Variants in TTN observed in about 807,000 individuals in gnomAD.
The protein encoded by TTN is connectin.
Under a neutral mutation model 3,223.0 loss-of-function variants are expected in TTN, and 1,525 were observed. The observed-to-expected ratio is 0.47, with a 90% CI of 0.45 to 0.49. The LOEUF (loss-of-function observed/expected upper bound fraction) is 0.49. Among genes scored for constraint, TTN ranks in the 20% least tolerant of loss-of-function variants. The probability of loss-of-function intolerance (pLI) is 0.00; values close to 1 mark genes in which losing one functional copy is unlikely to be tolerated. For synonymous variants in TTN, 14,094 were observed against 15,161.0 expected (o/e 0.93, Z 5.17); for missense variants, 40,786 against 43,424.0 (o/e 0.94, Z 5.40).
chr2:178,551,922 A>T lies in TTN; in HGVS notation c.90978T>A (p.Gly30326=), dbSNP rs1699600265. 2 of 1,613,622 alleles carry T rather than the reference A, an allele frequency of 1.2e-6. No homozygotes were observed. The highest frequency in any genetic ancestry group is 1.7e-6 in the Non-Finnish European group (2 of 1,179,678). ...TGTATATAACTGGCTTTCCTGGGGG[A>T]CCAGGAATCCTGAACTGGTGTTTTG... ...IVAKHQFRIP[G]PPGKPVIYNV... The change falls in exon 335 of 363, where the codon GGT becomes GGA. Residue 30326 remains glycine (G), a synonymous_variant. Coordinates refer to ENST00000589042, the MANE Select transcript of TTN (RefSeq NM_001267550.2).
chr2:178,564,536 C>T lies in TTN; in HGVS notation c.81596G>A (p.Gly27199Asp). 6.2e-7 allele frequency: 1 copy of T among 1,613,154 alleles called. No homozygotes were observed. Among genetic ancestry groups the T allele is most frequent in the Non-Finnish European group, 8.5e-7 (1 of 1,179,562 alleles). The change falls in exon 326 of 363, where the codon GGT becomes GAT. Residue 27199 changes from glycine to aspartate, a missense_variant. Coordinates refer to ENST00000589042, the MANE Select transcript of TTN (RefSeq NM_001267550.2). ...TACAATATAACCTGTTATTTTGCTACCACCATCATAGGCAGGTTTCTTCCA... is the reference window on the plus strand; with the variant it reads ...TACAATATAACCTGTTATTTTGCTATCACCATCATAGGCAGGTTTCTTCCA... ...LKWKKPAYDG[G>D]SKITGYIVEK...
intron 149 of TTN, 75 bp from the exon 150 acceptor site, chr2:178,675,188 C>G: frequency 1.1e-6 from 1 of 944,548 alleles, no homozygotes; most frequent in Non-Finnish European, 1.6e-6. Flanking sequence ...TTTCCAGTTT[C>G]CAACATAAGA....
rs1395301319 is a variant in TTN at position 178,542,899 on chromosome 2, G to C, written c.96955C>G (p.Pro32319Ala). 1 of 1,613,100 alleles carries C rather than the reference G, an allele frequency of 6.2e-7. No homozygotes were observed. Among genetic ancestry groups the C allele is most frequent in the Admixed American group, 1.7e-5 (1 of 59,996 alleles). ...ACCAGCTCTACTGGTCTGCCAGCTGGGACATGGATGGTCTTCTGAGGCATT... is the reference window on the plus strand; with the variant it reads ...ACCAGCTCTACTGGTCTGCCAGCTGCGACATGGATGGTCTTCTGAGGCATT... ...STMPQKTIHVPAGRPVELVIP... is the reference protein window; with the variant it reads ...STMPQKTIHVAAGRPVELVIP... Residue 32319 changes from proline (P) to alanine (A), a missense_variant, in exon 348 of 363, where the codon CCA (proline) becomes GCA (alanine). By Grantham distance (27) the Pro-to-Ala change is conservative. Coordinates refer to ENST00000589042, the MANE Select transcript of TTN (RefSeq NM_001267550.2).
chr2:178,574,057 C>T lies in TTN; in HGVS notation c.72075G>A (p.Glu24025=). 6.2e-7 allele frequency: 1 copy of T among 1,613,276 alleles called. No homozygotes were observed. The highest frequency in any genetic ancestry group is 1.7e-5 in the Admixed American group (1 of 59,980). Residue 24025 remains glutamate, a synonymous_variant, in exon 326 of 363, where the codon GAG becomes GAA. Transcript: ENST00000589042. ...TAACATCCACCTTTATCTTTGGTGC[C>T]TCAACATCATCCCTGCAAGTGATAG... ...SDAITCRDDV[E]APKIKVDVKF... is the part of the protein sequence containing the mutation.
chr2:178,620,055 C>T lies in TTN; in HGVS notation c.46362G>A (p.Leu15454=). 6.2e-7 allele frequency: 1 copy of T among 1,611,920 alleles called. No homozygotes were observed. ...CGCAAGCATATTCACACTCATCATCCAGCCTGCAATCTTTTATAATGAGTC... is the reference window on the plus strand; with the variant it reads ...CGCAAGCATATTCACACTCATCATCTAGCCTGCAATCTTTTATAATGAGTC... ...IHRLIIKDCR[L]DDECEYACGV... is the part of the protein sequence containing the mutation. Residue 15454 remains leucine (L), a synonymous_variant, in exon 249 of 363, where the codon CTG becomes CTA. Coordinates refer to ENST00000589042, the MANE Select transcript of TTN (RefSeq NM_001267550.2).
intron 240 of TTN, among the ~76,000 whole-genome samples, chr2:178,628,563 C>CCTAT (rs1377975919): frequency 6.6e-6 from 1 of 151,994 alleles, no homozygotes; most frequent in Non-Finnish European, 1.5e-5. Flanking sequence ...GTATTGTGGG[C>CCTAT]CTATCTGAAT....
At chr2:178,604,364 C>A in intron 281 of TTN, 59 bp from the exon 282 acceptor site, 1 of 1,310,692 alleles carries the variant, frequency 7.6e-7, no homozygotes, top group South Asian at 2.5e-5. Flanking sequence ...GGTTTTCACT[C>A]ATTTAAAAAT....
chr2:178,566,430 T>C lies in TTN; in HGVS notation c.79702A>G (p.Lys26568Glu), dbSNP rs753685639. The change falls in exon 326 of 363, where the codon AAA (lysine) becomes GAA (glutamate). Residue 26568 changes from lysine (K) to glutamate (E), a missense_variant. Physicochemically the swap from Lys to Glu is moderately conservative, Grantham distance 56 (BLOSUM62 1). Transcript: ENST00000589042. Reference protein sequence around the residue: ...EYKIRVCALNKVGLGEATSVP... With the variant: ...EYKIRVCALNEVGLGEATSVP... Reference sequence around the variant, plus strand: ...GATGTAGCCTCACCTAAACCAACTTTGTTGAGGGCACAGACTCGTATTTTA... The same window carrying C: ...GATGTAGCCTCACCTAAACCAACTTCGTTGAGGGCACAGACTCGTATTTTA... 1 of 1,613,470 alleles carries C rather than the reference T, an allele frequency of 6.2e-7. No homozygotes were observed. The highest frequency in any genetic ancestry group is 8.5e-7 in the Non-Finnish European group (1 of 1,179,670).
chr2:178,685,184 T>C (rs1311608397), intron 129 of TTN, 69 bp downstream of exon 129: 6 of 1,360,084 alleles, frequency 4.4e-6, no homozygotes, highest in South Asian at 1.4e-5. Context: ...AAGACAGTTA[T>C]GCAAATGTGA....
In TTN at chr2:178,672,634, C is replaced by T. The variant is rs377319699; in HGVS notation, c.34855+1G>A. ...AGTCAGGTTTAAAAGAGAAGATGTA[C>T]CTTTGGCTGGGGGTGCCTCTTTTTT... On this transcript the variant is annotated splice_donor_variant, in intron 153 of 362. Transcript: ENST00000589042. LOFTEE classifies it high-confidence loss of function. 37 of 1,611,430 alleles carry T rather than the reference C, an allele frequency of 2.3e-5. No homozygotes were observed. The highest frequency in any genetic ancestry group is 8.4e-5 in the Admixed American group (5 of 59,678).
In TTN at chr2:178,532,986, T is replaced by C. The variant is rs2154134789; in HGVS notation, c.103629A>G (p.Pro34543=). The part of the protein sequence containing the change: ...ERKLRMPYDV[P]EPRKYKQTTI... ...TAGTCTGCTTATACTTGCGTGGCTCTGGTACATCATAAGGCATCCGGAGTT... is the reference window on the plus strand; with the variant it reads ...TAGTCTGCTTATACTTGCGTGGCTCCGGTACATCATAAGGCATCCGGAGTT... Residue 34543 remains proline (P), a synonymous_variant, in exon 358 of 363, where the codon CCA becomes CCG. Coordinates refer to ENST00000589042, the MANE Select transcript of TTN (RefSeq NM_001267550.2). The C allele has an allele frequency of 6.2e-7, 1 of 1,613,956 alleles. No homozygotes were observed. The highest frequency in any genetic ancestry group is 8.5e-7 in the Non-Finnish European group (1 of 1,179,874).
Position 178,622,008 on chromosome 2 carries a change from C to T in TTN, c.44914G>A (p.Val14972Ile). The change falls in exon 244 of 363, where the codon GTT (valine) becomes ATT (isoleucine). Residue 14972 changes from valine (V) to isoleucine (I), a missense_variant and splice_region_variant. Physicochemically the swap from Val to Ile is conservative, Grantham distance 29. Transcript: ENST00000589042. The part of the protein sequence containing the change: ...ECELSRENAK[V>I]KWFKDGAEIK... Reference sequence around the variant, plus strand: ...TCAGCACCATCTTTAAACCACTTAACCTATATTTAAGATAAATAGATTATC... The same window carrying T: ...TCAGCACCATCTTTAAACCACTTAATCTATATTTAAGATAAATAGATTATC... The T allele has an allele frequency of 6.2e-7, 1 of 1,601,242 alleles. No homozygotes were observed. The highest frequency in any genetic ancestry group is 8.5e-7 in the Non-Finnish European group (1 of 1,173,194).
rs555182221 is a variant in TTN, at chr2:178,584,180, C to G, written c.65275+96G>C. 23 of 1,373,018 alleles carry G rather than the reference C, an allele frequency of 1.7e-5. No individual in the cohort carries two copies. In the East Asian group the frequency reaches 5.3e-4, roughly 32 times the overall value. The allele number at this position is 1,373,018 out of a possible 1,614,324, so 85.1% of individuals were successfully genotyped here. ...TTGTAATCTTCAGATCTCTACTACT[C>G]TCTGTGTCTTGGAGTCCAAATCTTA... On this transcript the variant is annotated intron_variant, in intron 311 of 362. Coordinates refer to ENST00000589042, the MANE Select transcript of TTN (RefSeq NM_001267550.2).
rs775639901 is a variant in TTN at position 178,789,998 on chromosome 2, C to T, written c.1918G>A (p.Val640Met). Residue 640 changes from valine to methionine, a missense_variant, in exon 12 of 363, where the codon GTG (valine) becomes ATG (methionine). Physicochemically the swap from Val to Met is conservative, Grantham distance 21. Coordinates refer to ENST00000589042, the MANE Select transcript of TTN (RefSeq NM_001267550.2). ...REGITTKREQ[V>M]QITQEKMRKE... ...TTCACCTTCTCCTGAGTTATTTGCA[C>T]TTGTTCTCTTTTGGTAGTAATGCCT... 1.9e-6 allele frequency: 3 copies of T among 1,613,070 alleles called. No homozygotes were observed. Among genetic ancestry groups the T allele is most frequent in the Admixed American group, 3.3e-5 (2 of 60,008 alleles).
chr2:178,749,470 T>C, intron 47 of TTN: 1 of 1,612,992 alleles, frequency 6.2e-7, no homozygotes, highest in Non-Finnish European at 8.5e-7. Context: ...TCTCAAGGCT[T>C]TGAAAATAGT....
Position 178,531,821 on chromosome 2 carries a change from T to C in TTN, c.104794A>G (p.Ser34932Gly), listed in dbSNP as rs772604058. The change falls in exon 358 of 363, where the codon AGT (serine) becomes GGT (glycine). Residue 34932 changes from serine (S) to glycine (G), a missense_variant. Ser to Gly is a moderately conservative substitution (Grantham distance 56, BLOSUM62 0). Coordinates refer to ENST00000589042, the MANE Select transcript of TTN (RefSeq NM_001267550.2). ...KTSERKYEVLSQQPFTLDHAP... is the reference protein window; with the variant it reads ...KTSERKYEVLGQQPFTLDHAP... ...TGGTCCAGTGTGAAAGGCTGCTGAC[T>C]CAAAACTTCATACTTCCTTTCTGAT... is the stretch of plus-strand genomic sequence containing the variant. The C allele has an allele frequency of 6.2e-7, 1 of 1,613,892 alleles. No homozygotes were observed. The highest frequency in any genetic ancestry group is 1.3e-5 in the African/African-American group (1 of 74,938).
chr2:178,566,616 G>T lies in TTN; in HGVS notation c.79516C>A (p.Leu26506Ile). 2 of 1,612,466 alleles carry T rather than the reference G, an allele frequency of 1.2e-6. No homozygotes were observed. The highest frequency in any genetic ancestry group is 2.2e-5 in the South Asian group (2 of 91,072). Residue 26506 changes from leucine to isoleucine, a missense_variant, in exon 326 of 363, where the codon CTT (leucine) becomes ATT (isoleucine). Leu to Ile is a conservative substitution (Grantham distance 5). Coordinates refer to ENST00000589042, the MANE Select transcript of TTN (RefSeq NM_001267550.2). ...TCATAGATGGGTTTACCCCAGGCAA[G>T]TGTGATTGAATTTTTAGTGGTGTCT... ...IVDTTKNSITLAWGKPIYDGG... is the reference protein window; with the variant it reads ...IVDTTKNSITIAWGKPIYDGG...
rs746514747 is a variant in TTN at position 178,681,706 on chromosome 2, G to A, written c.33127C>T (p.Pro11043Ser). The A allele has an allele frequency of 6.2e-6, 10 of 1,604,598 alleles. No homozygotes were observed. In the Middle Eastern group the frequency reaches 9.9e-4, roughly 159 times the overall value. ...GGTTTTGTGGGAACTGGTTCTTCTG[G>A]GACAGGCTTTACAGGGATAGGCTTC... Reference protein sequence around the residue: ...PEKPIPVKPVPEEPVPTKPKA... With the variant: ...PEKPIPVKPVSEEPVPTKPKA... The change falls in exon 136 of 363, where the codon CCA (proline) becomes TCA (serine). Residue 11043 changes from proline to serine, a missense_variant. By Grantham distance (74) the Pro-to-Ser change is moderately conservative. Coordinates refer to ENST00000589042, the MANE Select transcript of TTN (RefSeq NM_001267550.2).
At chr2:178,639,135 A>G (rs1423542152) in intron 223 of TTN, among the ~76,000 whole-genome samples, 1 of 152,026 alleles carries the variant, frequency 6.6e-6, no homozygotes, top group African/African-American at 2.4e-5. Flanking sequence ...TGAAATATGG[A>G]GTCTCTTTTT....
Sources: allele counts gnomAD v4.1 joint callset (sites outside exome capture counted in the v4.1 genomes callset), GRCh38; gene constraint gnomAD v4.1.1; transcripts MANE v1.5; gene names NCBI Gene and HGNC (gene_info 2026-07-23, HGNC 2026-07-21).